RALYL: variants seen among roughly 807,000 people sequenced by gnomAD.
RALYL encodes the protein RALY RNA binding protein like, also known as RNA-binding Raly-like protein.
A neutral mutation model predicts 35.1 loss-of-function variants in RALYL; 29 were observed. That is an observed-to-expected ratio of 0.83 (90% CI 0.61 to 1.13). The LOEUF (loss-of-function observed/expected upper bound fraction) is 1.13. Ranked by LOEUF, RALYL falls within the 50% of genes most tolerant of loss-of-function variation. The probability of loss-of-function intolerance (pLI) is 0.00; values close to 1 mark genes in which losing one functional copy is unlikely to be tolerated. For synonymous variants in RALYL, 120 were observed against 127.6 expected (o/e 0.94, Z 0.40); for missense variants, 359 against 360.4 (o/e 1.00, Z 0.03).
At chr8:84,355,083 C>T (rs1236051064) in intron 1 of RALYL, among the ~76,000 whole-genome samples, 3 of 150,300 alleles carry the variant, frequency 2.0e-5, no homozygotes, top group Non-Finnish European at 3.0e-5. Flanking sequence ...GATATGTCTA[C>T]TTCATTTCCT....
At chr8:84,356,541 G>C (rs980413710) in intron 1 of RALYL, among the ~76,000 whole-genome samples, 2 of 149,976 alleles carry the variant, frequency 1.3e-5, no homozygotes, top group African/African-American at 5.0e-5. Context: ...CTCTCCTCTT[G>C]TTCTTATCCC....
At chr8:84,730,991 G>T (rs1846071192) in intron 2 of RALYL, among the ~76,000 whole-genome samples, 1 of 152,102 alleles carries the variant, frequency 6.6e-6, no homozygotes, top group Admixed American at 6.6e-5. Context: ...GGAAGAAAAG[G>T]TGCAGAAGAA....
At chr8:84,662,048 A>C (rs1462345286) in intron 2 of RALYL, among the ~76,000 whole-genome samples, 1 of 152,116 alleles carries the variant, frequency 6.6e-6, no homozygotes, top group Non-Finnish European at 1.5e-5. Context: ...TCACAGAAAA[A>C]TAAAGTCAAT....
chr8:84,529,149 A>T, intron 1 of RALYL, 150 bp from the exon 2 acceptor site: 2 of 737,506 alleles, frequency 2.7e-6, no homozygotes, highest in Non-Finnish European at 4.3e-6. Context: ...TAAATATATT[A>T]ATTTTATTCT....
intron 1 of RALYL, among the ~76,000 whole-genome samples, chr8:84,314,852 T>A (rs28671294): frequency 3.7e-3 from 569 of 152,274 alleles, no homozygotes; most frequent in African/African-American, 0.013. Context: ...TAAATTGATA[T>A]GAAAAAGAAC....
chr8:84,857,221 T>C (rs575280072), intron 5 of RALYL, among the ~76,000 whole-genome samples: 2 of 152,272 alleles, frequency 1.3e-5, no homozygotes, highest in South Asian at 2.1e-4. Context: ...CCTCTGGTTA[T>C]TGATCTTTGT....
At chr8:84,753,482 T>C (rs1016464143) in intron 2 of RALYL, among the ~76,000 whole-genome samples, 1 of 152,118 alleles carries the variant, frequency 6.6e-6, no homozygotes, top group Non-Finnish European at 1.5e-5. Flanking sequence ...CTAGGCAGAA[T>C]GATAAGATTT....
chr8:84,459,644 G>T (rs149113573), intron 1 of RALYL, among the ~76,000 whole-genome samples: 3 of 151,804 alleles, frequency 2.0e-5, no homozygotes, highest in African/African-American at 7.2e-5. Context: ...CCAAGGGAGA[G>T]GACAGTGGAT....
chr8:84,313,285 G>T (rs1012819134), intron 1 of RALYL, among the ~76,000 whole-genome samples: 1 of 152,166 alleles, frequency 6.6e-6, no homozygotes, highest in Non-Finnish European at 1.5e-5. Context: ...GATGGGAGGG[G>T]CTGTCTCAAA....
chr8:84,880,485 A>G (rs1841984926), intron 7 of RALYL, among the ~76,000 whole-genome samples: 1 of 151,942 alleles, frequency 6.6e-6, no homozygotes, highest in African/African-American at 2.4e-5. Context: ...TGTCCATCAA[A>G]TTGCCAGTCT....
intron 1 of RALYL, among the ~76,000 whole-genome samples, chr8:84,407,488 T>A (rs2043660585): frequency 6.6e-6 from 1 of 152,104 alleles, no homozygotes; most frequent in Non-Finnish European, 1.5e-5. Flanking sequence ...GTATCTACAG[T>A]GTTAAGATAA....
At chr8:84,557,880 A>G (rs1213658770) in intron 2 of RALYL, among the ~76,000 whole-genome samples, 1 of 152,200 alleles carries the variant, frequency 6.6e-6, no homozygotes, top group Non-Finnish European at 1.5e-5. Context: ...GAAAAGCCAT[A>G]CAATGCAGTC....
intron 1 of RALYL, among the ~76,000 whole-genome samples, chr8:84,300,472 A>T (rs1380580977): frequency 1.3e-5 from 2 of 152,034 alleles, no homozygotes; most frequent in Admixed American, 6.6e-5. Context: ...TCAAGTGTCA[A>T]GTATAGGTCC....
intron 2 of RALYL, among the ~76,000 whole-genome samples, chr8:84,677,508 T>C (rs1388382385): frequency 6.6e-6 from 1 of 152,182 alleles, no homozygotes; most frequent in Non-Finnish European, 1.5e-5. Flanking sequence ...TATTTCTTAA[T>C]GATCTGAACA....
chr8:84,243,735 C>T (rs2131594034), intron 1 of RALYL, among the ~76,000 whole-genome samples: 1 of 152,158 alleles, frequency 6.6e-6, no homozygotes, highest in Admixed American at 6.6e-5. Flanking sequence ...TCCTCCAATC[C>T]ATGATCTCTC....
intron 2 of RALYL, among the ~76,000 whole-genome samples, chr8:84,573,794 A>G (rs1242076171): frequency 1.3e-5 from 2 of 151,934 alleles, no homozygotes; most frequent in South Asian, 2.1e-4. Context: ...TAAATCAGCT[A>G]TTAATCCCAT....
intron 1 of RALYL, among the ~76,000 whole-genome samples, chr8:84,216,301 A>T (rs549989064): frequency 6.6e-6 from 1 of 152,290 alleles, no homozygotes; most frequent in Non-Finnish European, 1.5e-5. Context: ...TTATACCACC[A>T]TAAGCCTATG....
At chr8:84,512,091 A>G (rs1408091737) in intron 1 of RALYL, among the ~76,000 whole-genome samples, 1 of 152,034 alleles carries the variant, frequency 6.6e-6, no homozygotes, top group Non-Finnish European at 1.5e-5. Context: ...TGGTCATTCT[A>G]TTTTTAGTTT....
chr8:84,915,679 G>A (rs956420490), intron 8 of RALYL, among the ~76,000 whole-genome samples: 3 of 152,040 alleles, frequency 2.0e-5, no homozygotes, highest in Non-Finnish European at 2.9e-5. Flanking sequence ...ATCACTGTAC[G>A]ATACTAATCA....
Sources: allele counts gnomAD v4.1 joint callset (sites outside exome capture counted in the v4.1 genomes callset), GRCh38; gene constraint gnomAD v4.1.1; transcripts MANE v1.5; gene names NCBI Gene and HGNC (gene_info 2026-07-23, HGNC 2026-07-21).